Variants in ACOT1 observed in about 807,000 individuals in gnomAD.
The protein encoded by ACOT1 is acyl-coenzyme A thioesterase 1.
ACOT1 carries 8 observed loss-of-function variants against 15.7 expected under a neutral mutation model. That is an observed-to-expected ratio of 0.51 (90% CI 0.30 to 0.92). ACOT1 has a LOEUF of 0.92. Among genes scored for constraint, ACOT1 ranks in the 40% least tolerant of loss-of-function variants. The probability of loss-of-function intolerance (pLI) is 0.06; values close to 1 mark genes in which losing one functional copy is unlikely to be tolerated. For synonymous variants in ACOT1, 67 were observed against 241.2 expected (o/e 0.28, Z 6.69); for missense variants, 151 against 539.4 (o/e 0.28, Z 7.13).
chr14:73,493,265 T>A, the ACOT1 span: 1 of 660,634 alleles, frequency 1.5e-6, no homozygotes, highest in Non-Finnish European at 2.6e-6. Context: ...GAGACAGATA[T>A]TAGATTTTTT....
At chr14:73,495,040 A>G in the ACOT1 span, among the ~76,000 whole-genome samples, 2 of 131,408 alleles carry the variant, frequency 1.5e-5, no homozygotes, top group East Asian at 4.2e-4. Context: ...TAAATGAATA[A>G]AAACCCGAGA....
chr14:73,495,013 T>A, the ACOT1 span, among the ~76,000 whole-genome samples: 1 of 151,968 alleles, frequency 6.6e-6, no homozygotes, highest in Non-Finnish European at 1.5e-5. Flanking sequence ...GAGATAACTT[T>A]TTTTTAAGGG....
the ACOT1 span, chr14:73,509,601 AT>A: frequency 1.1e-5 from 10 of 879,112 alleles, no homozygotes; most frequent in South Asian, 1.5e-4. Context: ...ATGTAATATA[AT>A]TACAGTTTAG....
rs1156622150 is a variant in ACOT1, at chr14:73,538,063, G to C, written c.457+185G>C. Among the ~76,000 whole-genome samples, 8 of 108,656 alleles carry C rather than the reference G, an allele frequency of 7.4e-5. 2 individuals are homozygous for C. Among genetic ancestry groups the C allele is most frequent in the Non-Finnish European group, 1.6e-4 (8 of 50,672 alleles). 71.3% of individuals were successfully genotyped at this position (108,656 alleles called of 152,430 possible). A position where few individuals can be genotyped will look rare whatever the true frequency, so the allele number is the denominator to read the frequency against. On this transcript the variant is annotated intron_variant, in intron 1 of 2. Coordinates refer to ENST00000311148, the MANE Select transcript of ACOT1 (RefSeq NM_001037161.2). ...GTAGGTCTTGAACTCCTGGACCCAA[G>C]CTATCCTCCCGCCTCTGCCTCCCCA...
chr14:73,492,593 C>T, the ACOT1 span: 7 of 1,613,894 alleles, frequency 4.3e-6, no homozygotes, highest in African/African-American at 1.3e-5. This position sits in a 1 kb window ranked among gnomAD's most constrained non-coding sequence, Gnocchi z 4.9. Flanking sequence ...TGTTTACGGG[C>T]TTCCAATTCG....
At chr14:73,511,094 G>C in the ACOT1 span, among the ~76,000 whole-genome samples, 1 of 152,196 alleles carries the variant, frequency 6.6e-6, no homozygotes, top group African/African-American at 2.4e-5. Context: ...AAATTCTCAA[G>C]TAGGAAGGGG....
the ACOT1 span, chr14:73,495,426 AC>A: frequency 1.3e-6 from 2 of 1,542,908 alleles, no homozygotes; most frequent in Admixed American, 3.4e-5. Flanking sequence ...ACAAAACAAA[AC>A]ACCTGTACTA....
At chr14:73,531,758 C>T in the ACOT1 span, among the ~76,000 whole-genome samples, 300 of 113,380 alleles carry the variant, frequency 2.6e-3, 83 homozygotes, top group Non-Finnish European at 4.5e-3. Flanking sequence ...CAATGGCTGA[C>T]ACCTGTAATC....
At chr14:73,491,833 C>G in the ACOT1 span, 7 of 1,607,696 alleles carry the variant, frequency 4.4e-6, no homozygotes, top group Non-Finnish European at 5.9e-6. Flanking sequence ...ACGGACGACG[C>G]GAGACCCTGA....
chr14:73,524,307 AAAAATATAT>A, the ACOT1 span, among the ~76,000 whole-genome samples: 21 of 110,064 alleles, frequency 1.9e-4, no homozygotes, highest in Middle Eastern at 4.4e-3. Context: ...AAAAAAAAAA[AAAAATATAT>A]ATATATATAT....
chr14:73,520,991 G>A, the ACOT1 span: 1 of 1,613,760 alleles, frequency 6.2e-7, no homozygotes. Flanking sequence ...TGCTCTTGTT[G>A]CCAGGCATGA....
chr14:73,491,916 G>C, the ACOT1 span: 1 of 1,613,220 alleles, frequency 6.2e-7, no homozygotes, highest in Non-Finnish European at 8.5e-7. Flanking sequence ...CGTCTCCTCT[G>C]TCCGCAGGCT....
At chr14:73,509,401 T>G in the ACOT1 span, 2 of 1,614,096 alleles carry the variant, frequency 1.2e-6, 1 homozygote, top group South Asian at 2.2e-5. Flanking sequence ...CATCCGCACA[T>G]GGGCATTCTT....
At position 73,541,508 on chromosome 14, in the gene ACOT1, C is replaced by G. The variant is rs1333167691; in HGVS notation, c.473C>G (p.Pro158Arg). The G allele has an allele frequency of 1.6e-6, 2 of 1,244,662 alleles. No homozygotes were observed. Among genetic ancestry groups the G allele is most frequent in the African/African-American group, 3.3e-5 (2 of 61,514 alleles). 77.1% of individuals were successfully genotyped at this position (1,244,662 alleles called of 1,614,324 possible). Residue 158 changes from proline (P) to arginine (R), a missense_variant, in exon 2 of 3, where the codon CCT (proline) becomes CGT (arginine). Physicochemically the swap from Pro to Arg is moderately radical, Grantham distance 103. Coordinates refer to ENST00000311148, the MANE Select transcript of ACOT1 (RefSeq NM_001037161.2). Reference sequence around the variant, plus strand: ...TCTTCCCAAGAACCTGGGCCCTTTCCTGGCATTGTGGACATGTTCGGAACT... The same window carrying G: ...TCTTCCCAAGAACCTGGGCCCTTTCGTGGCATTGTGGACATGTTCGGAACT... ...LFLPPEPGPF[P>R]GIVDMFGTGG...
the ACOT1 span, among the ~76,000 whole-genome samples, chr14:73,502,025 G>A: frequency 2.6e-5 from 4 of 151,138 alleles, no homozygotes; most frequent in Admixed American, 6.6e-5. Context: ...GATTACAGGA[G>A]TGAGCCACTG....
chr14:73,531,460 G>T, the ACOT1 span, among the ~76,000 whole-genome samples: 2 of 96,204 alleles, frequency 2.1e-5, no homozygotes, highest in African/African-American at 3.4e-5. Context: ...TCACTCTGTC[G>T]CCCAGGCTGG....
At chr14:73,498,084 A>G in the ACOT1 span, 3 of 1,417,198 alleles carry the variant, frequency 2.1e-6, 1 homozygote, top group Admixed American at 5.7e-5. Context: ...AGGCAGGGAC[A>G]TATTCAATGA....
At position 73,537,871 on chromosome 14, in the gene ACOT1, G is replaced by A. The variant is rs1211161162; in HGVS notation, c.450G>A (p.Leu150=). 2.5e-6 allele frequency: 3 copies of A among 1,196,050 alleles called. No homozygotes were observed. The highest frequency in any genetic ancestry group is 5.9e-5 in the Admixed American group (2 of 33,800). The allele number at this position is 1,196,050 out of a possible 1,614,324, so 74.1% of individuals were successfully genotyped here. A position where few individuals can be genotyped will look rare whatever the true frequency, so the allele number is the denominator to read the frequency against. The change falls in exon 1 of 3, where the codon CTG becomes CTA. Residue 150 remains leucine (L), a synonymous_variant. Coordinates refer to ENST00000311148, the MANE Select transcript of ACOT1 (RefSeq NM_001037161.2). The part of the protein sequence containing the change: ...RAGRVRGTLF[L]PPEPGPFPGI... ...GCCGGGTGCGAGGCACGCTCTTCCT[G>A]CCGCCAGGTGACTCACCTCCGCTAA...
chr14:73,509,474 CTG>C, the ACOT1 span: 2 of 1,613,750 alleles, frequency 1.2e-6, no homozygotes, highest in East Asian at 2.2e-5. Flanking sequence ...ATGGTCTTGT[CTG>C]TGATCAAAAG....
Sources: allele counts gnomAD v4.1 joint callset (sites outside exome capture counted in the v4.1 genomes callset), GRCh38; gene constraint gnomAD v4.1.1; non-coding constraint Gnocchi (gnomAD v3.1); transcripts MANE v1.5; gene names NCBI Gene and HGNC (gene_info 2026-07-23, HGNC 2026-07-21).